The following HOMER2 variants were observed in gnomAD, a reference collection of about 807,000 sequenced individuals.
The protein encoded by HOMER2 is homer scaffold protein 2, also known as homer protein homolog 2.
A neutral mutation model predicts 47.0 loss-of-function variants in HOMER2; 27 were observed. That is an observed-to-expected ratio of 0.57 (90% confidence interval 0.42 to 0.79). HOMER2 has a LOEUF of 0.79. Ranked by LOEUF, HOMER2 falls within the 30% of genes least tolerant of loss-of-function variation. The pLI, the probability that HOMER2 is intolerant of heterozygous loss-of-function variation, is 0.00. For synonymous variants in HOMER2, 161 were observed against 163.8 expected (o/e 0.98, Z 0.13); for missense variants, 443 against 435.0 (o/e 1.02, Z -0.16).
At chr15:82,962,141 C>T (rs902981277) in intron 1 of HOMER2, among the ~76,000 whole-genome samples, 6 of 150,528 alleles carry the variant, frequency 4.0e-5, no homozygotes, top group South Asian at 2.2e-4. Context: ...GAGTCCGAGG[C>T]GGGCGGATCA....
intron 5 of HOMER2, among the ~76,000 whole-genome samples, chr15:82,855,325 C>CAAAAAAAAAAAAAAAAAAA (rs1162254209): frequency 1.6e-5 from 1 of 61,518 alleles, no homozygotes; most frequent in Non-Finnish European, 2.7e-5. Context: ...ACTCCATCTC[C>CAAAAAAAAAAAAAAAAAAA]AAAAAAAAAA....
chr15:82,923,310 AC>A (rs752785222), intron 1 of HOMER2, among the ~76,000 whole-genome samples: 7 of 151,716 alleles, frequency 4.6e-5, no homozygotes, highest in Admixed American at 3.3e-4. Flanking sequence ...ACATGGTGAA[AC>A]CCCATCTCTA....
chr15:82,894,463 A>G (rs186234259), intron 1 of HOMER2, among the ~76,000 whole-genome samples: 31 of 152,236 alleles, frequency 2.0e-4, no homozygotes, highest in African/African-American at 7.5e-4. Context: ...CGAGGTCAGG[A>G]GATCGAGACC....
chr15:82,857,422 C>CTTTTT (rs71156058), intron 5 of HOMER2, among the ~76,000 whole-genome samples: 1 of 74,192 alleles, frequency 1.3e-5, no homozygotes, highest in Non-Finnish European at 2.4e-5. Flanking sequence ...GATGATACAG[C>CTTTTT]TTTTTTTTTT....
chr15:82,840,144 G>A (rs1242792793), exon 2 of HOMER2: 21 of 152,046 alleles, frequency 1.4e-4, no homozygotes, highest in South Asian at 1.2e-3. Flanking sequence ...AGGAAAAGTC[G>A]TACCTTACAA....
intron 3 of HOMER2, among the ~76,000 whole-genome samples, chr15:82,872,328 A>AC (rs2052203517): frequency 6.6e-6 from 1 of 151,802 alleles, no homozygotes; most frequent in South Asian, 2.1e-4. Context: ...CGGCCTCACC[A>AC]CCCTCCATCC....
At chr15:82,900,039 T>C in intron 1 of HOMER2, among the ~76,000 whole-genome samples, 1 of 151,898 alleles carries the variant, frequency 6.6e-6, no homozygotes, top group East Asian at 1.9e-4. Context: ...ATAAAAAATA[T>C]ATAATAATAG....
Position 82,939,077 on chromosome 15 carries a change from C to T in HOMER2, c.5+13454G>A, listed in dbSNP as rs545289423. On this transcript the variant is annotated intron_variant, in intron 1 of 8. Transcript: ENST00000450735. ...ATGGCTCCCAAATCTGTATCTCTGA[C>T]TCTATCTGAACTGTTGAGTGTTAGA... Among the ~76,000 whole-genome samples, 63 of 152,302 alleles carry T rather than the reference C, an allele frequency of 4.1e-4. No homozygotes were observed. The Middle Eastern group carries it at 0.014, about 33-fold the overall frequency.
chr15:82,845,816 C>T (rs953181454), downstream of HOMER2: 1 of 152,186 alleles, frequency 6.6e-6, no homozygotes, highest in Non-Finnish European at 1.5e-5. Context: ...CCAAAATTGT[C>T]CCTGGTTTCT....
At chr15:82,868,541 A>ATATATATATATATATTTTTTT in intron 3 of HOMER2, among the ~76,000 whole-genome samples, 2 of 71,290 alleles carry the variant, frequency 2.8e-5, no homozygotes, top group Non-Finnish European at 2.8e-5. Context: ...ATATATATAT[A>ATATATATATATATATTTTTTT]TTTTTTTTTT....
chr15:82,983,734 C>T (rs1220801747), intron 1 of HOMER2, among the ~76,000 whole-genome samples: 4 of 152,022 alleles, frequency 2.6e-5, no homozygotes, highest in Middle Eastern at 3.4e-3. Flanking sequence ...GGATTACAGG[C>T]GCCCCTGACC....
chr15:82,857,524 G>A (rs1008660710), intron 5 of HOMER2, among the ~76,000 whole-genome samples: 2 of 147,740 alleles, frequency 1.4e-5, no homozygotes, highest in African/African-American at 5.0e-5. Flanking sequence ...TCCGCCTCCC[G>A]GGTTCAAGTA....
intron 1 of HOMER2, among the ~76,000 whole-genome samples, chr15:82,921,892 T>C (rs574266491): frequency 6.6e-6 from 1 of 152,332 alleles, no homozygotes; most frequent in African/African-American, 2.4e-5. Context: ...TCCCTCCCAT[T>C]CATTTTGCTG....
intron 3 of HOMER2, among the ~76,000 whole-genome samples, chr15:82,870,458 C>T (rs576475623): frequency 1.2e-3 from 175 of 151,858 alleles, no homozygotes; most frequent in Non-Finnish European, 2.0e-3. Flanking sequence ...AAGGAAAGGC[C>T]GATAAAAGAA....
At chr15:82,898,641 C>T (rs2053014687) in intron 1 of HOMER2, among the ~76,000 whole-genome samples, 1 of 152,170 alleles carries the variant, frequency 6.6e-6, no homozygotes. Flanking sequence ...TAATTAGATA[C>T]TCTGTGCAAC....
intron 3 of HOMER2, among the ~76,000 whole-genome samples, chr15:82,867,397 A>G (rs1291103799): frequency 6.6e-6 from 1 of 152,116 alleles, no homozygotes; most frequent in Non-Finnish European, 1.5e-5. Context: ...CCAGAAGGGA[A>G]ACAACAGCCT....
intron 1 of HOMER2, chr15:82,985,495 A>G (rs2030562449): frequency 6.6e-6 from 1 of 152,252 alleles, no homozygotes; most frequent in Admixed American, 6.5e-5. Context: ...TACAATCGAC[A>G]GGACTTGGCA....
At chr15:82,916,985 A>G (rs945798790) in intron 1 of HOMER2, among the ~76,000 whole-genome samples, 18 of 152,194 alleles carry the variant, frequency 1.2e-4, no homozygotes, top group Non-Finnish European at 1.2e-4. Context: ...TATTTTTAGT[A>G]GAGACGGGGT....
rs1016307897 is a variant in HOMER2 at position 82,854,895 on chromosome 15, C to A, written c.495-95G>T. 4.2e-6 allele frequency: 6 copies of A among 1,423,216 alleles called. No individual in the cohort carries two copies. In the Admixed American group the frequency reaches 5.6e-5, roughly 13 times the overall value. The allele number at this position is 1,423,216 out of a possible 1,614,324, so 88.2% of individuals were successfully genotyped here. On this transcript the variant is annotated intron_variant, in intron 5 of 8. Transcript: ENST00000450735. ...GGGGACTCCGCCATCCCTCAGCACA[C>A]CCCTGGGGGGCCCACGCCCTCTCCC...
Sources: gnomAD v4.1 joint callset for allele counts (sites outside exome capture counted in the v4.1 genomes callset) on GRCh38, gnomAD v4.1.1 for gene constraint, MANE v1.5 for transcripts, NCBI Gene and HGNC (gene_info 2026-07-23, HGNC 2026-07-21) for gene names.